Variants in ATXN1 observed in about 807,000 individuals in gnomAD.
ATXN1 encodes the protein ataxin 1.
Under a neutral mutation model 56.4 loss-of-function variants are expected in ATXN1, and 8 were observed. That is an observed-to-expected ratio of 0.14 (90% CI 0.08 to 0.26). ATXN1 has a LOEUF of 0.26. ATXN1 is among the 10% of genes least tolerant of loss of function. The pLI is 1.00. For synonymous variants in ATXN1, 514 were observed against 494.6 expected (o/e 1.04, Z -0.52); for missense variants, 987 against 1,106.5 (o/e 0.89, Z 1.53).
chr6:16,375,651 A>G (rs1316577321), intron 6 of ATXN1, among the ~76,000 whole-genome samples: 1 of 152,102 alleles, frequency 6.6e-6, no homozygotes, highest in Non-Finnish European at 1.5e-5. Flanking sequence ...CCATCAGACC[A>G]CAATGCTTGT....
At chr6:16,690,014 A>G (rs1442016220) in intron 2 of ATXN1, among the ~76,000 whole-genome samples, 2 of 152,112 alleles carry the variant, frequency 1.3e-5, no homozygotes, top group Admixed American at 6.6e-5. Flanking sequence ...CACAAGCCAG[A>G]ATAGAGGAAG....
chr6:16,307,549 C>T (rs1378693215), intron 7 of ATXN1, among the ~76,000 whole-genome samples: 12 of 152,006 alleles, frequency 7.9e-5, no homozygotes, highest in Admixed American at 7.9e-4. Context: ...TGGCGGGCAC[C>T]TGTAATCCCA....
intron 2 of ATXN1, among the ~76,000 whole-genome samples, chr6:16,702,503 A>G (rs1189796527): frequency 6.6e-6 from 1 of 152,240 alleles, no homozygotes; most frequent in African/African-American, 2.4e-5. Context: ...ATTAAACTAA[A>G]GAGCTTCTGC....
rs1006376786 is a variant in ATXN1 at position 16,642,523 on chromosome 6, G to A, written c.-489+15253C>T. ...GAAATATTACATAAACTTAATTGAT[G>A]CAGTGACAGGTTTGAGAGGACTGAC... is the stretch of plus-strand genomic sequence containing the variant. On this transcript the variant is annotated intron_variant, in intron 3 of 7. Coordinates refer to ENST00000436367, the MANE Select transcript of ATXN1 (RefSeq NM_001128164.2). 5.9e-5 allele frequency among the ~76,000 whole-genome samples: 9 copies of A among 152,342 alleles called. No homozygotes were observed. In the South Asian group the frequency reaches 1.2e-3, roughly 21 times the overall value.
chr6:16,336,776 GC>G (rs1761133256), intron 6 of ATXN1, among the ~76,000 whole-genome samples: 1 of 152,114 alleles, frequency 6.6e-6, no homozygotes, highest in Non-Finnish European at 1.5e-5. Context: ...AGGGGAATCT[GC>G]CACTACCACT....
At chr6:16,310,046 T>G (rs1760354383) in intron 7 of ATXN1, among the ~76,000 whole-genome samples, 1 of 148,006 alleles carries the variant, frequency 6.8e-6, no homozygotes, top group African/African-American at 2.5e-5. Flanking sequence ...CACTCTAGAC[T>G]GGGCGACAAT....
chr6:16,306,604 C>G lies in ATXN1; in HGVS notation c.2173G>C (p.Glu725Gln). 6.2e-7 allele frequency: 1 copy of G among 1,614,230 alleles called. No individual in the cohort carries two copies. Among genetic ancestry groups the G allele is most frequent in the Non-Finnish European group, 8.5e-7 (1 of 1,180,048 alleles). Residue 725 changes from glutamate to glutamine, a missense_variant, in exon 8 of 8, where the codon GAG becomes CAG. This residue lies in a region of ATXN1 where 196 missense variants were observed against 196.7 expected (regional missense o/e 1.00). Transcript: ENST00000436367. The surrounding 1 kb of genome is among the most constrained non-coding windows in gnomAD (Gnocchi z 5.2). ...GLAGSRHRYA[E>Q]QENGINQGSA... ...CCCTGGTTGATTCCGTTTTCCTGCT[C>G]GGCATACCTGTGTCTGCTGCCCGCC... is the stretch of plus-strand genomic sequence containing the variant.
rs765595274 is a variant in ATXN1 at position 16,327,812 on chromosome 6, T to C, written c.499A>G (p.Thr167Ala). 5.0e-6 allele frequency: 8 copies of C among 1,607,974 alleles called. No individual in the cohort carries two copies. Among genetic ancestry groups the C allele is most frequent in the Admixed American group, 1.7e-5 (1 of 59,882 alleles). ...TCCAGCTGGGAGCGCTGGGATGGAG[T>C]GGTGGCCCCTGCGGCCGAGGCCACT... ...SAVASAAGAT[T>A]PSQRSQLEAY... is the part of the protein sequence containing the mutation. The change falls in exon 7 of 8, where the codon ACT (threonine) becomes GCT (alanine). Residue 167 changes from threonine to alanine, a missense_variant. Around this residue, in one of 3 missense-constraint regions of ATXN1, gnomAD observed 723 missense variants for 791.7 expected, o/e 0.91. Coordinates refer to ENST00000436367, the MANE Select transcript of ATXN1 (RefSeq NM_001128164.2).
At chr6:16,597,577 T>C in intron 3 of ATXN1, among the ~76,000 whole-genome samples, 1 of 152,124 alleles carries the variant, frequency 6.6e-6, no homozygotes, top group East Asian at 1.9e-4. Flanking sequence ...TAGCTGGGCT[T>C]CCAGGCACAT....
At chr6:16,497,427 T>A (rs1238948994) in intron 5 of ATXN1, among the ~76,000 whole-genome samples, 3 of 152,202 alleles carry the variant, frequency 2.0e-5, no homozygotes, top group African/African-American at 7.2e-5. Flanking sequence ...GACCGTTCTG[T>A]GGGCTTGGAG....
chr6:16,342,117 G>A (rs1761264385), intron 6 of ATXN1, among the ~76,000 whole-genome samples: 2 of 151,020 alleles, frequency 1.3e-5, no homozygotes, highest in Admixed American at 1.3e-4. Context: ...CTCCTGACCT[G>A]AGCGATCCAC....
At position 16,755,398 on chromosome 6, in the gene ATXN1, AC is replaced by A. The variant is rs1760856497; in HGVS notation, c.-729-2052del. Among the ~76,000 whole-genome samples, 4 of 152,254 alleles carry A rather than the reference AC, an allele frequency of 2.6e-5. No individual in the cohort carries two copies. In the South Asian group the frequency reaches 8.3e-4, roughly 32 times the overall value. ...TAGGACATTTTATACAATAATATACACCAAAAATGGAATACTCAATATTTTT... is the reference window on the plus strand; with the variant it reads ...TAGGACATTTTATACAATAATATACACAAAAATGGAATACTCAATATTTTT... On this transcript the variant is annotated intron_variant, in intron 1 of 7. Coordinates refer to ENST00000436367, the MANE Select transcript of ATXN1 (RefSeq NM_001128164.2).
At chr6:16,320,593 G>A (rs550979305) in intron 7 of ATXN1, among the ~76,000 whole-genome samples, 4 of 152,370 alleles carry the variant, frequency 2.6e-5, no homozygotes, top group African/African-American at 9.6e-5. Context: ...ATAGAACGCC[G>A]CCAGATGGAA....
intron 7 of ATXN1, among the ~76,000 whole-genome samples, chr6:16,320,781 G>C (rs575542337): frequency 1.3e-5 from 2 of 152,368 alleles, no homozygotes; most frequent in South Asian, 2.1e-4. Flanking sequence ...CAGAAATACA[G>C]ATTGATATGC....
At chr6:16,732,725 T>C (rs1011117343) in intron 2 of ATXN1, among the ~76,000 whole-genome samples, 4 of 152,218 alleles carry the variant, frequency 2.6e-5, no homozygotes, top group Admixed American at 1.3e-4. Flanking sequence ...AACCAAAACA[T>C]ACATATGTAA....
intron 3 of ATXN1, among the ~76,000 whole-genome samples, chr6:16,621,318 G>C (rs370599807): frequency 3.3e-5 from 5 of 152,360 alleles, no homozygotes; most frequent in African/African-American, 1.2e-4. Flanking sequence ...GGCGTTAGCT[G>C]CAAGAGGCTG....
chr6:16,321,240 A>G (rs1018377709), intron 7 of ATXN1, among the ~76,000 whole-genome samples: 1 of 152,162 alleles, frequency 6.6e-6, no homozygotes, highest in Non-Finnish European at 1.5e-5. Flanking sequence ...CGTTGATGCT[A>G]TCGCCTCGGG....
intron 5 of ATXN1, among the ~76,000 whole-genome samples, chr6:16,494,871 G>C (rs1235001746): frequency 2.6e-5 from 4 of 152,176 alleles, no homozygotes; most frequent in African/African-American, 9.7e-5. Flanking sequence ...TATTGCTGTA[G>C]CACAACAGAA....
At chr6:16,387,388 A>T (rs1030567497) in intron 6 of ATXN1, among the ~76,000 whole-genome samples, 1 of 152,226 alleles carries the variant, frequency 6.6e-6, no homozygotes, top group Non-Finnish European at 1.5e-5. Flanking sequence ...GAACTTCTTC[A>T]CTGAAAGTTC....
Sources: gnomAD v4.1 joint callset for allele counts (sites outside exome capture counted in the v4.1 genomes callset) on GRCh38, gnomAD v4.1.1 for gene constraint, gnomAD v4.1.1 regional missense constraint, Gnocchi (gnomAD v3.1) non-coding constraint, MANE v1.5 for transcripts, NCBI Gene and HGNC (gene_info 2026-07-23, HGNC 2026-07-21) for gene names.